Variants in OXR1 observed in about 807,000 individuals in gnomAD.
OXR1 encodes oxidation resistance protein 1.
OXR1 carries 41 observed loss-of-function variants against 104.6 expected under a neutral mutation model. That is an observed-to-expected ratio of 0.39 (90% CI 0.31 to 0.51). The LOEUF is 0.51. OXR1 is among the 20% of genes least tolerant of loss of function. The pLI is 0.77. For missense variants in OXR1, 955 were observed against 1,031.9 expected, an observed-to-expected ratio of 0.93 and a Z score of 1.02; for synonymous variants, 348 against 348.4, an observed-to-expected ratio of 1.00 and a Z score of 0.01.
chr8:106,735,937 G>T (rs1362258541), intron 11 of OXR1, among the ~76,000 whole-genome samples: 2 of 152,012 alleles, frequency 1.3e-5, no homozygotes, highest in Non-Finnish European at 2.9e-5. Flanking sequence ...TAATAAGGAG[G>T]CTCTTTGGCC....
chr8:106,588,053 G>A (rs967624092), intron 3 of OXR1, among the ~76,000 whole-genome samples: 2 of 151,750 alleles, frequency 1.3e-5, no homozygotes, highest in Admixed American at 6.6e-5. Flanking sequence ...TGGGGTTCAC[G>A]CCATTCTCCT....
At chr8:106,493,990 A>G (rs1000393917) in intron 2 of OXR1, among the ~76,000 whole-genome samples, 2 of 152,184 alleles carry the variant, frequency 1.3e-5, no homozygotes, top group African/African-American at 2.4e-5. Context: ...TAAAAAGGAG[A>G]TGATGATACC....
At chr8:106,347,380 G>A (rs190131135) in intron 1 of OXR1, among the ~76,000 whole-genome samples, 240 of 152,224 alleles carry the variant, frequency 1.6e-3, no homozygotes, top group Middle Eastern at 3.4e-3. Context: ...CACCGGAGAA[G>A]GTCTTACCCT....
At chr8:106,687,984 A>G (rs1828906761) in intron 6 of OXR1, among the ~76,000 whole-genome samples, 1 of 152,190 alleles carries the variant, frequency 6.6e-6, no homozygotes, top group Non-Finnish European at 1.5e-5. Context: ...AGAGTTAAGT[A>G]ATATTTAATC....
intron 1 of OXR1, among the ~76,000 whole-genome samples, chr8:106,315,927 T>A (rs2130154842): frequency 6.6e-6 from 1 of 152,332 alleles, no homozygotes; most frequent in East Asian, 1.9e-4. Flanking sequence ...ATTTTTAAAC[T>A]TCGACATGAA....
chr8:106,405,141 CATATATATATATATATATATAT>C (rs143485889), intron 2 of OXR1, among the ~76,000 whole-genome samples: 7,045 of 78,076 alleles, frequency 0.09, 677 homozygotes, highest in Non-Finnish European at 0.14. Context: ...TCAGAAACCA[CATATATATATATATATATATAT>C]ATATATATAT....
chr8:106,711,875 G>C (rs1049247816), intron 10 of OXR1, among the ~76,000 whole-genome samples: 1 of 152,124 alleles, frequency 6.6e-6, no homozygotes, highest in African/African-American at 2.4e-5. Context: ...TAGACAGTAA[G>C]ATACTATCTC....
intron 7 of OXR1, among the ~76,000 whole-genome samples, chr8:106,701,396 A>G (rs1830573361): frequency 6.6e-6 from 1 of 152,160 alleles, no homozygotes; most frequent in African/African-American, 2.4e-5. Flanking sequence ...TCATTTTTAA[A>G]AGCAATATCT....
At chr8:106,516,714 C>T (rs979447809) in intron 2 of OXR1, among the ~76,000 whole-genome samples, 1 of 152,086 alleles carries the variant, frequency 6.6e-6, no homozygotes, top group Non-Finnish European at 1.5e-5. Flanking sequence ...AGTAGTACCA[C>T]CTTATCCACA....
chr8:106,564,193 A>T (rs187658798), intron 3 of OXR1, among the ~76,000 whole-genome samples: 15 of 152,304 alleles, frequency 9.8e-5, no homozygotes, highest in African/African-American at 3.4e-4. Flanking sequence ...TGAATCCAGG[A>T]GCCAGTTTTT....
At chr8:106,374,929 G>T (rs552551813) in intron 2 of OXR1, among the ~76,000 whole-genome samples, 4 of 152,128 alleles carry the variant, frequency 2.6e-5, no homozygotes, top group Non-Finnish European at 5.9e-5. Flanking sequence ...ATAGACTCCC[G>T]CTGTAATTGA....
intron 2 of OXR1, among the ~76,000 whole-genome samples, chr8:106,505,919 G>T (rs1037330933): frequency 1.3e-5 from 2 of 152,212 alleles, no homozygotes; most frequent in African/African-American, 4.8e-5. Context: ...TGCTCTGGTT[G>T]CTATAGCAGA....
At chr8:106,656,861 A>G (rs1011805579) in intron 3 of OXR1, among the ~76,000 whole-genome samples, 7 of 149,922 alleles carry the variant, frequency 4.7e-5, no homozygotes, top group Admixed American at 4.0e-4. Flanking sequence ...GTTTGTCAGG[A>G]GGGATAGTCT....
At chr8:106,350,714 C>T (rs951062231) in intron 1 of OXR1, among the ~76,000 whole-genome samples, 1 of 152,182 alleles carries the variant, frequency 6.6e-6, no homozygotes, top group Admixed American at 6.5e-5. Flanking sequence ...ATAAAAGCAG[C>T]TTGGAAGCTA....
At chr8:106,639,489 T>C (rs1823448358) in intron 3 of OXR1, among the ~76,000 whole-genome samples, 1 of 152,206 alleles carries the variant, frequency 6.6e-6, no homozygotes, top group Non-Finnish European at 1.5e-5. Context: ...TGTTGAAAGC[T>C]GGCTCCCCAA....
intron 2 of OXR1, among the ~76,000 whole-genome samples, chr8:106,509,993 A>C (rs1812419982): frequency 6.6e-6 from 1 of 152,116 alleles, no homozygotes; most frequent in Non-Finnish European, 1.5e-5. Context: ...GCTGGTTGCG[A>C]ACTCCTGACC....
intron 3 of OXR1, among the ~76,000 whole-genome samples, chr8:106,544,754 A>G (rs188976410): frequency 6.8e-4 from 104 of 152,346 alleles, no homozygotes; most frequent in African/African-American, 1.6e-3. Flanking sequence ...GAACAAGACA[A>G]TAGTCTCAAT....
chr8:106,697,533 C>T, intron 7 of OXR1: 7 of 1,611,220 alleles, frequency 4.3e-6, no homozygotes, highest in Non-Finnish European at 5.9e-6. Flanking sequence ...CCGAGAAGTT[C>T]CGAGGATTCT....
chr8:106,311,216 T>C (rs1813686369), intron 1 of OXR1, among the ~76,000 whole-genome samples: 2 of 152,190 alleles, frequency 1.3e-5, no homozygotes, highest in South Asian at 4.1e-4. Context: ...TCAACGATAA[T>C]TTTTTAATAG....
Sources: gnomAD v4.1 joint callset for allele counts (sites outside exome capture counted in the v4.1 genomes callset) on GRCh38, gnomAD v4.1.1 for gene constraint, MANE v1.5 for transcripts, NCBI Gene and HGNC (gene_info 2026-07-23, HGNC 2026-07-21) for gene names.